PTCD2: variants seen among roughly 807,000 people sequenced by gnomAD.
PTCD2 encodes pentatricopeptide repeat-containing protein 2, mitochondrial.
PTCD2 carries 31 observed loss-of-function variants against 42.6 expected under a neutral mutation model. The observed-to-expected ratio is 0.73, with a 90% CI of 0.55 to 0.98. The LOEUF is 0.98. Among genes scored for constraint, PTCD2 ranks in the 50% least tolerant of loss-of-function variants. The probability of loss-of-function intolerance (pLI) is 0.00; values close to 1 mark genes in which losing one functional copy is unlikely to be tolerated. For synonymous variants in PTCD2, 183 were observed against 170.9 expected, an observed-to-expected ratio of 1.07 and a Z score of -0.55; for missense variants, 476 against 454.8, an observed-to-expected ratio of 1.05 and a Z score of -0.42.
intron 4 of PTCD2, among the ~76,000 whole-genome samples, chr5:72,332,792 G>T (rs1751511365): frequency 6.6e-6 from 1 of 152,120 alleles, no homozygotes; most frequent in South Asian, 2.1e-4. Flanking sequence ...ACCCTGTAGT[G>T]TTGCCAGCAT....
At chr5:72,331,448 T>G (rs540774223) in intron 4 of PTCD2, 73 bp downstream of exon 4, 1 of 1,037,672 alleles carries the variant, frequency 9.6e-7, no homozygotes, top group Non-Finnish European at 1.5e-6. Flanking sequence ...ATGTCTTCTA[T>G]GTACATTATT....
intron 8 of PTCD2, among the ~76,000 whole-genome samples, chr5:72,345,368 A>G (rs1752306267): frequency 1.3e-5 from 2 of 152,218 alleles, no homozygotes; most frequent in Admixed American, 1.3e-4. Context: ...CCCACATTTC[A>G]TATTGTTCAA....
At chr5:72,333,993 G>A (rs982376334) in intron 4 of PTCD2, among the ~76,000 whole-genome samples, 1 of 152,080 alleles carries the variant, frequency 6.6e-6, no homozygotes, top group Non-Finnish European at 1.5e-5. Flanking sequence ...AAGTAGCTAG[G>A]ATTCCAGCCT....
chr5:72,336,674 G>GCACTC (rs1044827362), intron 6 of PTCD2, among the ~76,000 whole-genome samples: 3 of 145,176 alleles, frequency 2.1e-5, no homozygotes, highest in Non-Finnish European at 4.5e-5. Context: ...TTGTGCCACT[G>GCACTC]CACTCCAGCC....
chr5:72,334,087 C>T (rs1383151723), intron 4 of PTCD2, among the ~76,000 whole-genome samples: 1 of 151,770 alleles, frequency 6.6e-6, no homozygotes, highest in Non-Finnish European at 1.5e-5. Flanking sequence ...CAGGCTGGTC[C>T]TGAACTCTTG....
Position 72,338,654 on chromosome 5 carries a change from A to T in PTCD2, c.672A>T (p.Thr224=). Residue 224 remains threonine (T), a synonymous_variant, in exon 7 of 10, where the codon ACA becomes ACT. Coordinates refer to ENST00000380639, the MANE Select transcript of PTCD2 (RefSeq NM_024754.5). ...CTGAGTCTTTCAAAATCTGTACTAC[A>T]TTAAGAGAAGAAGCTCTACTCAAAG... ...NSPESFKICT[T]LREEALLKGE... is the part of the protein sequence containing the mutation. 6.2e-7 allele frequency: 1 copy of T among 1,611,538 alleles called. No individual in the cohort carries two copies. The highest frequency in any genetic ancestry group is 8.5e-7 in the Non-Finnish European group (1 of 1,177,742).
Position 72,352,754 on chromosome 5 carries a change from G to A in PTCD2, c.942G>A (p.Val314=). ...AAAGACATGTGTTCTCGGAGGAAGT[G>A]GTGAGTATGCAAGTGCTGCAGAAAT... The part of the protein sequence containing the change: ...FVKRHVFSEE[V]LAKVREKVKD... Residue 314 remains valine (V), a splice_region_variant and synonymous_variant, in exon 9 of 10, where the codon GTG becomes GTA. Transcript: ENST00000380639. 1 of 1,462,008 alleles carries A rather than the reference G, an allele frequency of 6.8e-7. No homozygotes were observed. Among genetic ancestry groups the A allele is most frequent in the African/African-American group, 1.4e-5 (1 of 71,692 alleles). 90.6% of individuals were successfully genotyped at this position (1,462,008 alleles called of 1,614,324 possible).
intron 3 of PTCD2, 116 bp downstream of exon 3, chr5:72,326,857 C>A: frequency 9.7e-7 from 1 of 1,027,916 alleles, no homozygotes; most frequent in Non-Finnish European, 1.4e-6. Flanking sequence ...ACTTCCAGAT[C>A]TCTTGTTCGG....
chr5:72,332,270 C>T (rs1482470079), intron 4 of PTCD2, among the ~76,000 whole-genome samples: 2 of 152,122 alleles, frequency 1.3e-5, no homozygotes, highest in African/African-American at 2.4e-5. Flanking sequence ...TAGACTTGCT[C>T]CTATTTAATG....
intron 8 of PTCD2, among the ~76,000 whole-genome samples, chr5:72,347,696 C>T (rs559785881): frequency 6.6e-6 from 1 of 151,958 alleles, no homozygotes; most frequent in African/African-American, 2.4e-5. Context: ...CCAACAACAA[C>T]AAAAATAATC....
In PTCD2 at chr5:72,366,465, C is replaced by T. The variant is rs960695688; in HGVS notation, c.*8038C>T. ...TAACCTTATCTCTGTATTGCCTGCC[C>T]AAGTGCTGGCTGTGTGCATGTATTC... On this transcript the variant is annotated 3_prime_UTR_variant, in exon 10 of 10. Coordinates refer to ENST00000380639, the MANE Select transcript of PTCD2 (RefSeq NM_024754.5). 2.0e-5 allele frequency: 3 copies of T among 152,212 alleles called. No individual in the cohort carries two copies. Among genetic ancestry groups the T allele is most frequent in the Non-Finnish European group, 2.9e-5 (2 of 68,054 alleles). 9.4% of individuals were successfully genotyped at this position (152,212 alleles called of 1,614,324 possible). A position where few individuals can be genotyped will look rare whatever the true frequency, so the allele number is the denominator to read the frequency against.
Position 72,366,221 on chromosome 5 carries a change from A to C in PTCD2, c.*7794A>C, listed in dbSNP as rs1753202544. ...ACAAGAGCGAAACTATGTTTCAAAT[A>C]ATAATAATAATAATAAGACTTACCA... On this transcript the variant is annotated 3_prime_UTR_variant, in exon 10 of 10. Transcript: ENST00000380639. 6.6e-6 allele frequency: 1 copy of C among 151,976 alleles called. No homozygotes were observed. Among genetic ancestry groups the C allele is most frequent in the South Asian group, 2.1e-4 (1 of 4,816 alleles). The allele number at this position is 151,976 out of a possible 1,614,324, so 9.4% of individuals were successfully genotyped here. A position where few individuals can be genotyped will look rare whatever the true frequency, so the allele number is the denominator to read the frequency against.
At chr5:72,353,300 G>A (rs1752710722) in intron 9 of PTCD2, among the ~76,000 whole-genome samples, 2 of 152,240 alleles carry the variant, frequency 1.3e-5, no homozygotes, top group African/African-American at 4.8e-5. Context: ...CACTCTTTTG[G>A]CTATCATCAG....
In PTCD2 at chr5:72,345,714, G is replaced by T. The variant is rs115298419; in HGVS notation, c.828+2678G>T. On this transcript the variant is annotated intron_variant, in intron 8 of 9. Transcript: ENST00000380639. ...GGTTCCTGACTTCCTGCAACAAATA[G>T]TTGCTATCTTTTTGTTGTGGGGATT... Among the ~76,000 whole-genome samples, 1,015 of 152,306 alleles carry T rather than the reference G, an allele frequency of 6.7e-3. 9 individuals are homozygous for T. The highest frequency in any genetic ancestry group is 0.021 in the African/African-American group (872 of 41,584).
At chr5:72,328,386 AC>A (rs1751254916) in intron 3 of PTCD2, among the ~76,000 whole-genome samples, 1 of 152,176 alleles carries the variant, frequency 6.6e-6, no homozygotes, top group African/African-American at 2.4e-5. Context: ...TTTGAGCTGC[AC>A]TGGCCCACAG....
Position 72,338,788 on chromosome 5 carries a change from C to A in PTCD2, c.753+53C>A, listed in dbSNP as rs553922493. ...ATTGGGAGTGGCCAGGACTTCATTA[C>A]TTTTATTCGTCCTTGCTTTTCCTTT... On this transcript the variant is annotated intron_variant, in intron 7 of 9. Transcript: ENST00000380639. The A allele has an allele frequency of 2.6e-5, 25 of 975,380 alleles. No homozygotes were observed. In the East Asian group the frequency reaches 5.4e-4, roughly 21 times the overall value. 60.4% of individuals were successfully genotyped at this position (975,380 alleles called of 1,614,324 possible).
intron 5 of PTCD2, chr5:72,335,499 G>GCTGAATT (rs1580158605): frequency 9.6e-6 from 3 of 313,994 alleles, no homozygotes; most frequent in Non-Finnish European, 1.2e-5. Context: ...CTGATAAGTG[G>GCTGAATT]CTGAATTCTG....
intron 9 of PTCD2, 84 bp downstream of exon 9, chr5:72,352,838 TA>T: frequency 1.4e-6 from 1 of 710,160 alleles, no homozygotes; most frequent in Non-Finnish European, 2.3e-6. Flanking sequence ...TTCTAAAGCT[TA>T]CCTTAAAGAA....
At chr5:72,337,172 C>T (rs956873304) in intron 6 of PTCD2, among the ~76,000 whole-genome samples, 2 of 152,008 alleles carry the variant, frequency 1.3e-5, no homozygotes, top group Admixed American at 6.5e-5. Flanking sequence ...TTATGAAAAG[C>T]TAGATAGTAA....
Sources: gnomAD v4.1 joint callset for allele counts (sites outside exome capture counted in the v4.1 genomes callset) on GRCh38, gnomAD v4.1.1 for gene constraint, MANE v1.5 for transcripts, NCBI Gene and HGNC (gene_info 2026-07-23, HGNC 2026-07-21) for gene names.